ESRRB: variants seen among roughly 807,000 people sequenced by gnomAD.
ESRRB encodes steroid hormone receptor ERR2.
Under a neutral mutation model 46.0 loss-of-function variants are expected in ESRRB, and 16 were observed. The observed-to-expected ratio is 0.35, with a 90% CI of 0.24 to 0.53. The LOEUF is 0.53. Ranked by LOEUF, ESRRB falls within the 20% of genes least tolerant of loss-of-function variation. The pLI is 0.93. For missense variants in ESRRB, 488 were observed against 607.4 expected, an observed-to-expected ratio of 0.80 and a Z score of 2.07; for synonymous variants, 246 against 259.6, an observed-to-expected ratio of 0.95 and a Z score of 0.50.
intron 1 of ESRRB, among the ~76,000 whole-genome samples, chr14:76,329,504 GCC>G (rs1328387823): frequency 6.6e-6 from 1 of 152,110 alleles, no homozygotes; most frequent in African/African-American, 2.4e-5. Flanking sequence ...AATTATAGCC[GCC>G]CATAAACAAA....
At chr14:76,319,619 C>A (rs1883844290) in intron 1 of ESRRB, among the ~76,000 whole-genome samples, 1 of 152,218 alleles carries the variant, frequency 6.6e-6, no homozygotes, top group Non-Finnish European at 1.5e-5. Flanking sequence ...ATCCCATATG[C>A]TGTTTCTCCT....
intron 3 of ESRRB, among the ~76,000 whole-genome samples, chr14:76,469,197 G>A (rs1322812351): frequency 1.3e-5 from 2 of 152,034 alleles, no homozygotes; most frequent in African/African-American, 2.4e-5. Context: ...AGGTTCAAGC[G>A]ATTCTCCTGC....
intron 1 of ESRRB, among the ~76,000 whole-genome samples, chr14:76,410,097 G>A (rs1473714857): frequency 6.6e-6 from 1 of 152,076 alleles, no homozygotes; most frequent in East Asian, 1.9e-4. Flanking sequence ...GGTGGCACAC[G>A]CCTGTATTCC....
chr14:76,377,005 G>A (rs1195098448), intron 1 of ESRRB, among the ~76,000 whole-genome samples: 1 of 152,240 alleles, frequency 6.6e-6, no homozygotes, highest in Non-Finnish European at 1.5e-5. Flanking sequence ...CCCCGAGGGT[G>A]CGCACGTGGC....
At chr14:76,370,621 CT>C (rs930367416), upstream of ESRRB, among the ~76,000 whole-genome samples, 21 of 152,310 alleles carry the variant, frequency 1.4e-4, no homozygotes, top group South Asian at 8.3e-4. Context: ...TTCTCTCCCC[CT>C]GATCTCCCTT....
intron 1 of ESRRB, among the ~76,000 whole-genome samples, chr14:76,362,774 G>A (rs577119794): frequency 8.3e-4 from 126 of 152,312 alleles, no homozygotes; most frequent in African/African-American, 1.7e-3. Flanking sequence ...CTGGGGGTGG[G>A]GGTGAAGGAC....
chr14:76,455,147 G>A (rs1888552389), intron 2 of ESRRB, among the ~76,000 whole-genome samples: 1 of 152,148 alleles, frequency 6.6e-6, no homozygotes, highest in South Asian at 2.1e-4. Context: ...AACCTGGGAG[G>A]CGGAGGCTGC....
At chr14:76,401,905 C>A (rs925443893) in intron 1 of ESRRB, among the ~76,000 whole-genome samples, 1 of 152,128 alleles carries the variant, frequency 6.6e-6, no homozygotes, top group Non-Finnish European at 1.5e-5. Context: ...GCCGACAAGT[C>A]CCAAAATCTG....
Position 76,500,779 on chromosome 14 carries a change from C to G in ESRRB, c.*2321C>G, listed in dbSNP as rs1327087376. The G allele has an allele frequency of 3.3e-5, 53 of 1,589,524 alleles. No homozygotes were observed. Among genetic ancestry groups the G allele is most frequent in the Non-Finnish European group, 4.4e-5 (51 of 1,157,778 alleles). On this transcript the variant is annotated 3_prime_UTR_variant, in exon 7 of 7. Coordinates refer to ENST00000644823, the MANE Select transcript of ESRRB (RefSeq NM_001379180.1). Reference sequence around the variant, plus strand: ...ACCAGGCAGCTGCACCTCACTGGATCTAGTGTTGCTGCGAGTGACCTCACT... The same window carrying G: ...ACCAGGCAGCTGCACCTCACTGGATGTAGTGTTGCTGCGAGTGACCTCACT...
intron 1 of ESRRB, among the ~76,000 whole-genome samples, chr14:76,354,472 C>T (rs1340958409): frequency 6.6e-6 from 1 of 152,026 alleles, no homozygotes; most frequent in Non-Finnish European, 1.5e-5. Context: ...AGGGGGAGGA[C>T]AAGTGCATTA....
intron 1 of ESRRB, among the ~76,000 whole-genome samples, chr14:76,342,124 C>T (rs558451118): frequency 6.6e-6 from 1 of 152,302 alleles, no homozygotes; most frequent in African/African-American, 2.4e-5. Flanking sequence ...ACCTCAAAGA[C>T]ATCAGAGCGT....
At chr14:76,458,247 G>A (rs1407793911) in intron 2 of ESRRB, among the ~76,000 whole-genome samples, 1 of 152,046 alleles carries the variant, frequency 6.6e-6, no homozygotes, top group Non-Finnish European at 1.5e-5. Context: ...CACGCTCCTA[G>A]GCCCGCCTCA....
intron 3 of ESRRB, among the ~76,000 whole-genome samples, chr14:76,480,691 T>C (rs1051032542): frequency 2.0e-5 from 3 of 152,156 alleles, no homozygotes; most frequent in African/African-American, 7.2e-5. Context: ...GGCTGAAGGA[T>C]GGACAAGGCT....
intron 1 of ESRRB, among the ~76,000 whole-genome samples, chr14:76,333,851 T>A (rs941039331): frequency 6.6e-6 from 1 of 152,054 alleles, no homozygotes; most frequent in Non-Finnish European, 1.5e-5. Context: ...ACGTGCTCAG[T>A]GTCAACTGCG....
intron 1 of ESRRB, among the ~76,000 whole-genome samples, chr14:76,428,186 C>T (rs1282912253): frequency 2.0e-5 from 3 of 152,022 alleles, no homozygotes; most frequent in South Asian, 2.1e-4. Context: ...TTCGTAGAGA[C>T]GGGGTTTCTC....
chr14:76,458,090 C>A (rs548066400), intron 2 of ESRRB, among the ~76,000 whole-genome samples: 1 of 152,254 alleles, frequency 6.6e-6, no homozygotes, highest in East Asian at 1.9e-4. Context: ...GGAGTCTGCA[C>A]CTGTCTATAC....
chr14:76,484,742 G>A (rs866938043), intron 5 of ESRRB, among the ~76,000 whole-genome samples: 9 of 152,346 alleles, frequency 5.9e-5, no homozygotes, highest in Middle Eastern at 3.4e-3. Flanking sequence ...GGCATGGCTA[G>A]AGCAGAGTGA....
intron 5 of ESRRB, among the ~76,000 whole-genome samples, chr14:76,484,879 C>T (rs1194512543): frequency 3.3e-5 from 5 of 152,180 alleles, no homozygotes; most frequent in Non-Finnish European, 7.3e-5. Flanking sequence ...ATGGGAATCA[C>T]GATAGAGCCC....
chr14:76,329,767 C>T (rs1198889779), intron 1 of ESRRB, among the ~76,000 whole-genome samples: 1 of 152,132 alleles, frequency 6.6e-6, no homozygotes, highest in Non-Finnish European at 1.5e-5. Context: ...AGCCCGGGTC[C>T]CAGCAGGTGT....
Sources: allele counts gnomAD v4.1 joint callset (sites outside exome capture counted in the v4.1 genomes callset), GRCh38; gene constraint gnomAD v4.1.1; transcripts MANE v1.5; gene names NCBI Gene and HGNC (gene_info 2026-07-23, HGNC 2026-07-21).